PHF20: variants seen among roughly 807,000 people sequenced by gnomAD.
PHF20 encodes glioma-expressed antigen 2.
PHF20 carries 23 observed loss-of-function variants against 113.5 expected under a neutral mutation model. The observed-to-expected ratio is 0.20, with a 90% confidence interval of 0.15 to 0.29. The LOEUF (loss-of-function observed/expected upper bound fraction) is 0.29. PHF20 is among the 10% of genes least tolerant of loss of function. The pLI is 1.00. For synonymous variants in PHF20, 434 were observed against 457.3 expected (o/e 0.95, Z 0.65); for missense variants, 943 against 1,219.6 (o/e 0.77, Z 3.38).
Position 35,862,116 on chromosome 20 carries a change from A to G in PHF20, c.421-897A>G, listed in dbSNP as rs570995266. On this transcript the variant is annotated intron_variant, in intron 5 of 17. Coordinates refer to ENST00000374012, the MANE Select transcript of PHF20 (RefSeq NM_016436.5). ...TTAAAGAATGTAATTTAGGGAGAAC[A>G]TAACTAAGAAGCGGTATTTCCTACC... 4.6e-5 allele frequency among the ~76,000 whole-genome samples: 7 copies of G among 152,350 alleles called. No individual in the cohort carries two copies. In the East Asian group the frequency reaches 1.3e-3, roughly 29 times the overall value.
chr20:35,936,077 C>T (rs912160191), intron 15 of PHF20, among the ~76,000 whole-genome samples: 8 of 152,050 alleles, frequency 5.3e-5, no homozygotes, highest in African/African-American at 1.4e-4. Context: ...ACCTTCAGAT[C>T]GCAGTTGGAA....
intron 4 of PHF20, among the ~76,000 whole-genome samples, chr20:35,857,557 T>C (rs2146962568): frequency 6.9e-6 from 1 of 145,838 alleles, no homozygotes; most frequent in East Asian, 2.0e-4. Context: ...AGCTGAATGA[T>C]GTTCCTTTTT....
chr20:35,794,369 C>T (rs975950442), intron 1 of PHF20, among the ~76,000 whole-genome samples: 3 of 152,026 alleles, frequency 2.0e-5, no homozygotes, highest in African/African-American at 7.2e-5. Flanking sequence ...TAGCTGCCTT[C>T]CCCACTAGAG....
intron 2 of PHF20, among the ~76,000 whole-genome samples, chr20:35,821,919 T>C (rs370409395): frequency 1.3e-5 from 2 of 152,224 alleles, no homozygotes; most frequent in African/African-American, 4.8e-5. Context: ...TCGGTACCAG[T>C]AGATGGAATT....
chr20:35,869,652 T>C, intron 7 of PHF20, 101 bp downstream of exon 7: 3 of 733,108 alleles, frequency 4.1e-6, no homozygotes, highest in Non-Finnish European at 7.3e-6. Flanking sequence ...GCTCTAATGT[T>C]TGTCTCTGGT....
intron 10 of PHF20, among the ~76,000 whole-genome samples, chr20:35,901,153 A>G (rs979157860): frequency 4.6e-5 from 7 of 152,232 alleles, no homozygotes; most frequent in Non-Finnish European, 8.8e-5. Flanking sequence ...AGGCGGACAT[A>G]GTGGCTCACA....
intron 14 of PHF20, among the ~76,000 whole-genome samples, chr20:35,930,266 C>T (rs961014357): frequency 2.0e-5 from 3 of 152,308 alleles, no homozygotes; most frequent in African/African-American, 4.8e-5. Context: ...TGCCTTTTGC[C>T]AGGCACTGGG....
intron 2 of PHF20, among the ~76,000 whole-genome samples, chr20:35,803,684 A>ATGTGTGTGTGTGTG (rs11472633): frequency 6.9e-6 from 1 of 144,340 alleles, no homozygotes; most frequent in Non-Finnish European, 1.5e-5. Context: ...GTATATATAT[A>ATGTGTGTGTGTGTG]TGTGTGTGTG....
At chr20:35,807,806 A>G (rs1460553244) in intron 2 of PHF20, among the ~76,000 whole-genome samples, 1 of 152,170 alleles carries the variant, frequency 6.6e-6, no homozygotes, top group African/African-American at 2.4e-5. Flanking sequence ...GGAAGTTTGA[A>G]CATTGATTGG....
chr20:35,817,294 C>G (rs1213075426), intron 2 of PHF20, among the ~76,000 whole-genome samples: 3 of 152,054 alleles, frequency 2.0e-5, no homozygotes, highest in African/African-American at 7.2e-5. Context: ...TCAAGAGATT[C>G]TCTTGCCTCA....
chr20:35,864,298 C>A (rs184225931), intron 6 of PHF20, among the ~76,000 whole-genome samples: 2 of 151,872 alleles, frequency 1.3e-5, no homozygotes, highest in African/African-American at 4.8e-5. Flanking sequence ...AGGCTGAGTG[C>A]GTTGGTGCAT....
chr20:35,777,675 G>A (rs898436867), intron 1 of PHF20, among the ~76,000 whole-genome samples: 3 of 152,152 alleles, frequency 2.0e-5, no homozygotes, highest in African/African-American at 2.4e-5. Context: ...AAACAAAAAA[G>A]TAGTCAGGCA....
At chr20:35,797,909 C>T (rs2041700019) in intron 1 of PHF20, among the ~76,000 whole-genome samples, 1 of 152,060 alleles carries the variant, frequency 6.6e-6, no homozygotes, top group Admixed American at 6.6e-5. Context: ...CTCGACCTCC[C>T]AAAGTGCTGG....
Position 35,899,607 on chromosome 20 carries a change from A to G in PHF20, c.1520A>G (p.Gln507Arg), listed in dbSNP as rs921290276. The G allele has an allele frequency of 6.2e-7, 1 of 1,614,224 alleles. No individual in the cohort carries two copies. The highest frequency in any genetic ancestry group is 8.5e-7 in the Non-Finnish European group (1 of 1,180,042). ...RGPSASDKPS[Q>R]ETLTRKRVSA... Reference sequence around the variant, plus strand: ...CCTTCAGCTTCAGACAAGCCCAGCCAGGAGACCCTGACCAGGAAGCGGGTC... The same window carrying G: ...CCTTCAGCTTCAGACAAGCCCAGCCGGGAGACCCTGACCAGGAAGCGGGTC... The change falls in exon 10 of 18, where the codon CAG becomes CGG. Residue 507 changes from glutamine to arginine, a missense_variant. By Grantham distance (43) the Gln-to-Arg change is conservative. Transcript: ENST00000374012.
chr20:35,839,199 G>C (rs990661445), intron 2 of PHF20, among the ~76,000 whole-genome samples: 1 of 151,608 alleles, frequency 6.6e-6, no homozygotes, highest in African/African-American at 2.4e-5. Context: ...GACCATCCTG[G>C]CTAACATGGT....
chr20:35,775,770 A>AC (rs1360016906), intron 1 of PHF20, among the ~76,000 whole-genome samples: 3 of 150,956 alleles, frequency 2.0e-5, no homozygotes, highest in African/African-American at 7.3e-5. Context: ...AAAAAAAAAA[A>AC]AAAAGGCCAA....
At chr20:35,898,001 G>A (rs577636240) in intron 9 of PHF20, among the ~76,000 whole-genome samples, 1 of 151,848 alleles carries the variant, frequency 6.6e-6, no homozygotes, top group Non-Finnish European at 1.5e-5. Context: ...TCAACCTCCC[G>A]AGTAGCTGGG....
rs1207910178 is a variant in PHF20 at position 35,899,530 on chromosome 20, G to A, written c.1443G>A (p.Lys481=). The change falls in exon 10 of 18, where the codon AAG becomes AAA. Residue 481 remains lysine, a synonymous_variant. Transcript: ENST00000374012. ...YHMKYFHGME[K]SLEPEESPGK... Reference sequence around the variant, plus strand: ...TGAAGTATTTCCATGGAATGGAGAAGTCACTGGAGCCAGAAGAGAGCCCGG... The same window carrying A: ...TGAAGTATTTCCATGGAATGGAGAAATCACTGGAGCCAGAAGAGAGCCCGG... The A allele has an allele frequency of 6.2e-7, 1 of 1,614,160 alleles. No individual in the cohort carries two copies. Among genetic ancestry groups the A allele is most frequent in the Admixed American group, 1.7e-5 (1 of 60,012 alleles).
At chr20:35,890,041 T>C (rs2054819785) in intron 9 of PHF20, among the ~76,000 whole-genome samples, 2 of 151,204 alleles carry the variant, frequency 1.3e-5, no homozygotes, top group Admixed American at 1.3e-4. Context: ...ATTTATTTAT[T>C]TTTGAGACAG....
Sources: gnomAD v4.1 joint callset for allele counts (sites outside exome capture counted in the v4.1 genomes callset) on GRCh38, gnomAD v4.1.1 for gene constraint, MANE v1.5 for transcripts, NCBI Gene and HGNC (gene_info 2026-07-23, HGNC 2026-07-21) for gene names.